The following MYH11 variants were observed in gnomAD, a reference collection of about 807,000 sequenced individuals.
MYH11 encodes the protein myosin heavy chain 11.
A neutral mutation model predicts 246.6 loss-of-function variants in MYH11; 80 were observed. The ratio of observed to expected loss-of-function variants is 0.32; its 90% CI spans 0.27 to 0.39. The LOEUF (loss-of-function observed/expected upper bound fraction) is 0.39, where lower values mean the gene tolerates loss of function less well. MYH11 is among the 10% of genes least tolerant of loss of function. The pLI, the probability that MYH11 is intolerant of heterozygous loss-of-function variation, is 1.00. For missense variants in MYH11, 2,158 were observed against 2,546.8 expected (o/e 0.85, Z 3.29); for synonymous variants, 1,071 against 1,015.5 (o/e 1.05, Z -1.04).
At chr16:15,754,174 G>A (rs891720337) in intron 14 of MYH11, among the ~76,000 whole-genome samples, 27 of 152,058 alleles carry the variant, frequency 1.8e-4, no homozygotes, top group Non-Finnish European at 3.2e-4. Flanking sequence ...CTGAGATTGC[G>A]CCACTGAACT....
At chr16:15,791,911 G>A (rs2151313875) in intron 4 of MYH11, 1 of 152,158 alleles carries the variant, frequency 6.6e-6, no homozygotes, top group South Asian at 2.1e-4. Context: ...CTGGTCTCAA[G>A]TGATCTCTAG....
In MYH11 at chr16:15,802,153, A is replaced by G. The variant is rs530575688; in HGVS notation, c.503-3466T>C. On this transcript the variant is annotated intron_variant, in intron 3 of 40. Coordinates refer to ENST00000300036, the MANE Select transcript of MYH11 (RefSeq NM_002474.3). Reference sequence around the variant, plus strand: ...AGTCGGTATTGTTCTTTATGAAACCATCATGACCACAAAGCTAAAAAAAGA... The same window carrying G: ...AGTCGGTATTGTTCTTTATGAAACCGTCATGACCACAAAGCTAAAAAAAGA... Among the ~76,000 whole-genome samples, 8 of 152,276 alleles carry G rather than the reference A, an allele frequency of 5.3e-5. No individual in the cohort carries two copies. The South Asian group carries it at 1.5e-3, about 28-fold the overall frequency.
intron 7 of MYH11, 54 bp downstream of exon 7, chr16:15,778,726 G>A: frequency 1.3e-6 from 2 of 1,554,284 alleles, no homozygotes; most frequent in South Asian, 1.1e-5. Flanking sequence ...CTCTGGGCAG[G>A]AGATTGGTAG....
intron 2 of MYH11, among the ~76,000 whole-genome samples, chr16:15,832,887 G>C (rs1376695684): frequency 7.0e-6 from 1 of 143,848 alleles, no homozygotes; most frequent in African/African-American, 2.5e-5. Context: ...CTGAATCCCA[G>C]CTCTGCCCAC....
intron 1 of MYH11, among the ~76,000 whole-genome samples, chr16:15,847,153 G>T (rs1596953082): frequency 2.0e-5 from 3 of 151,816 alleles, no homozygotes. Context: ...GTGCAATAAT[G>T]AAGAGTTTGT....
chr16:15,703,960 C>T lies in MYH11; in HGVS notation c.*31G>A. 6.8e-6 allele frequency: 11 copies of T among 1,613,522 alleles called. No homozygotes were observed. The highest frequency in any genetic ancestry group is 9.3e-6 in the Non-Finnish European group (11 of 1,179,754). On this transcript the variant is annotated 3_prime_UTR_variant, in exon 41 of 41. Transcript: ENST00000300036. Reference sequence around the variant, plus strand: ...TTTGTTTGTTTTGGTTTTTGGTTTTCTTGCCGTGGTGCAAAACTGTAGAAA... The same window carrying T: ...TTTGTTTGTTTTGGTTTTTGGTTTTTTTGCCGTGGTGCAAAACTGTAGAAA...
chr16:15,727,622 G>C (rs926010383), intron 27 of MYH11, among the ~76,000 whole-genome samples: 3 of 152,108 alleles, frequency 2.0e-5, no homozygotes, highest in Non-Finnish European at 4.4e-5. Context: ...ATGAGTTGCC[G>C]ACATTTTAAT....
intron 10 of MYH11, 55 bp downstream of exon 10, chr16:15,763,741 T>TGGGGGGGCCCCC: frequency 6.2e-6 from 4 of 646,850 alleles, no homozygotes; most frequent in Non-Finnish European, 8.7e-6. Context: ...AAATGTCACC[T>TGGGGGGGCCCCC]CCCCCACCCC....
chr16:15,745,900 T>G (rs2041406276), intron 19 of MYH11, among the ~76,000 whole-genome samples: 1 of 151,352 alleles, frequency 6.6e-6, no homozygotes, highest in South Asian at 2.1e-4. Flanking sequence ...ACCAGCTGTT[T>G]CTGACTAACT....
intron 12 of MYH11, among the ~76,000 whole-genome samples, chr16:15,759,054 T>C (rs936023044): frequency 6.6e-6 from 1 of 151,990 alleles, no homozygotes; most frequent in Non-Finnish European, 1.5e-5. Context: ...CCAATATCCA[T>C]GTTTCTACTA....
chr16:15,710,260 C>A lies in MYH11; in HGVS notation c.5786+4649G>T, dbSNP rs532071081. On this transcript the variant is annotated intron_variant, in intron 40 of 40. Transcript: ENST00000300036. ...TGGGCCGGCCGGGCATGGTGGCTCA[C>A]GCCTGTAACCCCAGCACTTTGGGAG... Among the ~76,000 whole-genome samples, 51 of 152,272 alleles carry A rather than the reference C, an allele frequency of 3.3e-4. No homozygotes were observed. The South Asian group carries it at 0.01, about 31-fold the overall frequency.
intron 20 of MYH11, among the ~76,000 whole-genome samples, chr16:15,744,051 G>A (rs980588851): frequency 6.6e-6 from 1 of 151,894 alleles, no homozygotes; most frequent in Non-Finnish European, 1.5e-5. Context: ...CAGGAGGGTT[G>A]CTTGAGGTCA....
chr16:15,841,817 G>T (rs909467234), intron 1 of MYH11, among the ~76,000 whole-genome samples: 1 of 152,176 alleles, frequency 6.6e-6, no homozygotes, highest in African/African-American at 2.4e-5. Flanking sequence ...GAGGACATAT[G>T]GCCACCAGGA....
At chr16:15,720,368 C>G in intron 33 of MYH11, 56 bp from the exon 34 acceptor site, 1 of 1,573,556 alleles carries the variant, frequency 6.4e-7, no homozygotes, top group Non-Finnish European at 8.6e-7. Flanking sequence ...GGTCCTTTGG[C>G]TCACCTAGGC....
intron 2 of MYH11, among the ~76,000 whole-genome samples, chr16:15,828,516 G>T (rs1424516805): frequency 6.6e-6 from 1 of 152,168 alleles, no homozygotes; most frequent in Non-Finnish European, 1.5e-5. Context: ...CCAGGGACAG[G>T]GTAGACACTC....
At chr16:15,719,820 A>G in intron 34 of MYH11, 107 bp from the exon 35 acceptor site, 1 of 1,491,086 alleles carries the variant, frequency 6.7e-7, no homozygotes, top group Non-Finnish European at 9.3e-7. Flanking sequence ...GCAGTTGACC[A>G]CAAAGAAGTT....
At chr16:15,797,916 A>C (rs779522876) in intron 4 of MYH11, among the ~76,000 whole-genome samples, 19 of 152,064 alleles carry the variant, frequency 1.2e-4, no homozygotes, top group Non-Finnish European at 2.2e-4. Flanking sequence ...ATGTCCCCTC[A>C]GATGTGCTCC....
In MYH11 at chr16:15,741,909, G is replaced by A; in HGVS notation, c.2521-18C>T. ...GGCTTCACCTGCACACACACGGTTAGCCCATCATTTGTTTTTGTGGCAAAG... is the reference window on the plus strand; with the variant it reads ...GGCTTCACCTGCACACACACGGTTAACCCATCATTTGTTTTTGTGGCAAAG... On this transcript the variant is annotated intron_variant, in intron 20 of 40. Coordinates refer to ENST00000300036, the MANE Select transcript of MYH11 (RefSeq NM_002474.3). 1.2e-6 allele frequency: 2 copies of A among 1,614,122 alleles called. No homozygotes were observed. Among genetic ancestry groups the A allele is most frequent in the Non-Finnish European group, 1.7e-6 (2 of 1,180,004 alleles).
chr16:15,779,214 TG>T (rs2042292802), intron 6 of MYH11: 2 of 365,476 alleles, frequency 5.5e-6, no homozygotes, highest in Non-Finnish European at 1.1e-5. Context: ...ACTGTAACCT[TG>T]AACTCCTGGG....
Sources: gnomAD v4.1 joint callset for allele counts (sites outside exome capture counted in the v4.1 genomes callset) on GRCh38, gnomAD v4.1.1 for gene constraint, MANE v1.5 for transcripts, NCBI Gene and HGNC (gene_info 2026-07-23, HGNC 2026-07-21) for gene names.